Variants in MEF2C observed in about 807,000 individuals in gnomAD.
MEF2C encodes the protein myocyte-specific enhancer factor 2C.
In MEF2C, 6 loss-of-function variants were observed where a neutral mutation model predicts 50.5. That is an observed-to-expected ratio of 0.12 (90% CI 0.07 to 0.23). MEF2C has a LOEUF of 0.23. Among genes scored for constraint, MEF2C ranks in the 10% least tolerant of loss-of-function variants. The pLI, the probability that MEF2C is intolerant of heterozygous loss-of-function variation, is 1.00. For synonymous variants in MEF2C, 183 were observed against 228.0 expected (o/e 0.80, Z 1.78); for missense variants, 276 against 605.0 (o/e 0.46, Z 5.70).
intron 3 of MEF2C, among the ~76,000 whole-genome samples, chr5:88,790,467 A>C (rs529942236): frequency 1.6e-3 from 242 of 152,322 alleles, no homozygotes; most frequent in Middle Eastern, 6.8e-3. Context: ...ACACTGGGCC[A>C]CAGGCATTTC....
chr5:88,873,517 A>AT (rs112465070), intron 1 of MEF2C, among the ~76,000 whole-genome samples: 3 of 152,064 alleles, frequency 2.0e-5, no homozygotes, highest in African/African-American at 7.2e-5. Context: ...GAATTCTCTG[A>AT]TTTTTTTGAA....
intron 3 of MEF2C, among the ~76,000 whole-genome samples, chr5:88,797,252 G>A (rs1796375495): frequency 6.6e-6 from 1 of 151,990 alleles, no homozygotes; most frequent in Non-Finnish European, 1.5e-5. Flanking sequence ...ATTATTGTGT[G>A]GGAATCTAAG....
rs1236132629 is a variant in MEF2C, at chr5:88,750,524, C to T, written c.589+1333G>A. Among the ~76,000 whole-genome samples the T allele has an allele frequency of 1.1e-4, 16 of 151,940 alleles. 2 individuals are homozygous for T. Among genetic ancestry groups the T allele is most frequent in the Admixed American group, 1.0e-3 (16 of 15,242 alleles). On this transcript the variant is annotated intron_variant, in intron 5 of 10. Transcript: ENST00000504921. ...CATCTGGCCTTCGTTACAGTTTAAG[C>T]AAATGTTTATTATTTCCAATCAGAT...
intron 5 of MEF2C, 134 bp downstream of exon 5, chr5:88,751,723 C>CG (rs1320181580): frequency 7.2e-6 from 8 of 1,115,026 alleles, no homozygotes; most frequent in East Asian, 2.5e-5. Flanking sequence ...AGACCTAGCT[C>CG]GGGGGTGGAT....
At chr5:88,795,573 A>G (rs1795685958) in intron 3 of MEF2C, among the ~76,000 whole-genome samples, 2 of 152,190 alleles carry the variant, frequency 1.3e-5, no homozygotes, top group South Asian at 4.1e-4. Flanking sequence ...ATATGCAATC[A>G]TGTCACCTGC....
At chr5:88,784,675 T>A (rs1789954220) in intron 3 of MEF2C, among the ~76,000 whole-genome samples, 1 of 152,204 alleles carries the variant, frequency 6.6e-6, no homozygotes, top group Non-Finnish European at 1.5e-5. Flanking sequence ...TCAAAGGTAA[T>A]AATTTCCCAA....
rs1760882929 is a variant in MEF2C at position 88,730,284 on chromosome 5, T to C, written c.811-50A>G. Reference sequence around the variant, plus strand: ...ATTAATTAGTGTCCGTAAATATTTATAATTGGGCAAAATCTTTTCAACAAA... The same window carrying C: ...ATTAATTAGTGTCCGTAAATATTTACAATTGGGCAAAATCTTTTCAACAAA... On this transcript the variant is annotated intron_variant, in intron 7 of 10. Coordinates refer to ENST00000504921, the MANE Select transcript of MEF2C (RefSeq NM_002397.5). 8.4e-6 allele frequency: 13 copies of C among 1,547,904 alleles called. No homozygotes were observed. In the East Asian group the frequency reaches 2.9e-4, roughly 35 times the overall value.
chr5:88,779,792 A>G (rs1441711330), intron 3 of MEF2C, among the ~76,000 whole-genome samples: 1 of 150,148 alleles, frequency 6.7e-6, no homozygotes, highest in Non-Finnish European at 1.5e-5. Flanking sequence ...AATGCTTGCA[A>G]ACTTAATGGT....
At chr5:88,748,617 A>G (rs1771114971) in intron 6 of MEF2C, among the ~76,000 whole-genome samples, 1 of 152,216 alleles carries the variant, frequency 6.6e-6, no homozygotes, top group Non-Finnish European at 1.5e-5. Context: ...TATTTTATTA[A>G]CAGTATTGTT....
At chr5:88,752,918 A>C in intron 4 of MEF2C, 1 of 229,544 alleles carries the variant, frequency 4.4e-6, no homozygotes, top group Non-Finnish European at 7.2e-6. Flanking sequence ...TACTCTTTGA[A>C]TATAATGCCA....
chr5:88,786,433 G>A (rs949276013), intron 3 of MEF2C, among the ~76,000 whole-genome samples: 2 of 151,968 alleles, frequency 1.3e-5, no homozygotes, highest in African/African-American at 4.8e-5. Context: ...CTCTCAGCCA[G>A]ATGTATCATG....
chr5:88,763,698 G>A (rs1423248169), intron 3 of MEF2C, among the ~76,000 whole-genome samples: 1 of 151,154 alleles, frequency 6.6e-6, no homozygotes, highest in Non-Finnish European at 1.5e-5. Context: ...TGTTGCCCAG[G>A]CTGGAATGCA....
At chr5:88,806,498 G>C (rs1277642668) in intron 2 of MEF2C, among the ~76,000 whole-genome samples, 1 of 152,014 alleles carries the variant, frequency 6.6e-6, no homozygotes, top group Admixed American at 6.6e-5. Flanking sequence ...ACCTCAGAGA[G>C]AACTCTGAAT....
chr5:88,868,558 A>G (rs1051207924), intron 1 of MEF2C, among the ~76,000 whole-genome samples: 1 of 152,084 alleles, frequency 6.6e-6, no homozygotes. Flanking sequence ...CCCCCACCCA[A>G]TACTGGCATA....
intron 6 of MEF2C, chr5:88,743,673 A>G (rs1028571858): frequency 1.2e-5 from 12 of 985,302 alleles, no homozygotes; most frequent in Non-Finnish European, 1.3e-5. Flanking sequence ...GTCTTGCTAG[A>G]TGGAGTCTTT....
chr5:88,835,843 A>G (rs936055128), intron 1 of MEF2C, among the ~76,000 whole-genome samples: 1 of 151,640 alleles, frequency 6.6e-6, no homozygotes, highest in Non-Finnish European at 1.5e-5. Context: ...GAAGGATTAT[A>G]AATTCTAATA....
Position 88,859,891 on chromosome 5 carries a change from T to C in MEF2C, c.-143+23064A>G, listed in dbSNP as rs559407965. On this transcript the variant is annotated intron_variant, in intron 1 of 10. Transcript: ENST00000504921. The stretch of plus-strand genomic sequence containing the variant: ...TTTTAAACAGAACAAACACATTGGA[T>C]ACTGTAGCAGATACTAATATTTTCT... Among the ~76,000 whole-genome samples the C allele has an allele frequency of 1.8e-4, 27 of 152,378 alleles. No individual in the cohort carries two copies. The South Asian group carries it at 5.6e-3, about 32-fold the overall frequency.
intron 3 of MEF2C, among the ~76,000 whole-genome samples, chr5:88,802,622 T>A (rs244758): frequency 0.031 from 4,744 of 151,948 alleles, 95 homozygotes; most frequent in Non-Finnish European, 0.049. Context: ...AATTTTTGTA[T>A]TTTTTTTGCA....
At chr5:88,747,693 T>C (rs1770560231) in intron 6 of MEF2C, among the ~76,000 whole-genome samples, 1 of 152,172 alleles carries the variant, frequency 6.6e-6, no homozygotes, top group African/African-American at 2.4e-5. Flanking sequence ...TACTAGCTGT[T>C]TCCATAATGG....
Sources: allele counts gnomAD v4.1 joint callset (sites outside exome capture counted in the v4.1 genomes callset), GRCh38; gene constraint gnomAD v4.1.1; transcripts MANE v1.5; gene names NCBI Gene and HGNC (gene_info 2026-07-23, HGNC 2026-07-21).